Variants in SEMA5A observed in about 807,000 individuals in gnomAD.
SEMA5A encodes the protein semaphorin 5A, also known as semaphorin-5A.
SEMA5A carries 55 observed loss-of-function variants against 135.5 expected under a neutral mutation model. The ratio of observed to expected loss-of-function variants is 0.41; its 90% confidence interval spans 0.33 to 0.51. The LOEUF (loss-of-function observed/expected upper bound fraction) is 0.51. Among genes scored for constraint, SEMA5A ranks in the 20% least tolerant of loss-of-function variants. SEMA5A has a pLI of 0.37. For synonymous variants in SEMA5A, 580 were observed against 546.5 expected (o/e 1.06, Z -0.85); for missense variants, 1,290 against 1,419.9 (o/e 0.91, Z 1.47).
rs548901972 is a variant in SEMA5A at position 9,400,865 on chromosome 5, A to G, written c.-77-20842T>C. 5.3e-5 allele frequency among the ~76,000 whole-genome samples: 8 copies of G among 152,280 alleles called. No individual in the cohort carries two copies. The South Asian group carries it at 1.7e-3, about 32-fold the overall frequency. On this transcript the variant is annotated intron_variant, in intron 2 of 22. Coordinates refer to ENST00000382496, the MANE Select transcript of SEMA5A (RefSeq NM_003966.3). ...TCTACAATTACTTTAAATACGTTAC[A>G]TTATATACAATTATAATTTATTATA...
chr5:9,450,229 A>C (rs1470623068), intron 1 of SEMA5A, among the ~76,000 whole-genome samples: 2 of 152,180 alleles, frequency 1.3e-5, no homozygotes, highest in Non-Finnish European at 2.9e-5. Context: ...AACACAGTCA[A>C]GTGGGGAGAA....
At chr5:9,229,565 G>T (rs1195051946) in intron 6 of SEMA5A, among the ~76,000 whole-genome samples, 1 of 152,162 alleles carries the variant, frequency 6.6e-6, no homozygotes, top group Non-Finnish European at 1.5e-5. Flanking sequence ...GGCTGAGCAA[G>T]CTGATGGACT....
chr5:9,176,869 T>C (rs1011269735), intron 11 of SEMA5A, among the ~76,000 whole-genome samples: 1 of 152,208 alleles, frequency 6.6e-6, no homozygotes, highest in Non-Finnish European at 1.5e-5. Context: ...CTCTCAGGAA[T>C]GTGAGTTAAA....
At chr5:9,391,634 C>T (rs1049731357) in intron 2 of SEMA5A, among the ~76,000 whole-genome samples, 1 of 152,142 alleles carries the variant, frequency 6.6e-6, no homozygotes, top group African/African-American at 2.4e-5. Context: ...AAATGTATAC[C>T]GCACCCCTGT....
chr5:9,235,794 T>C (rs549728644), intron 6 of SEMA5A, among the ~76,000 whole-genome samples: 152 of 152,190 alleles, frequency 1.0e-3, no homozygotes, highest in African/African-American at 3.6e-3. Context: ...AGAAGGAAGA[T>C]AAAGACAAGA....
chr5:9,350,799 C>A (rs1754080362), intron 3 of SEMA5A, among the ~76,000 whole-genome samples: 2 of 152,230 alleles, frequency 1.3e-5, no homozygotes, highest in African/African-American at 2.4e-5. Context: ...TATACACAGT[C>A]TTTCCTAAGC....
At chr5:9,221,503 A>C (rs112980612) in intron 8 of SEMA5A, among the ~76,000 whole-genome samples, 3,697 of 148,708 alleles carry the variant, frequency 0.025, 106 homozygotes, top group African/African-American at 0.069. Flanking sequence ...GGGGTTTCAC[A>C]GTGTTAGCCA....
chr5:9,147,410 T>C (rs908363875), intron 12 of SEMA5A, among the ~76,000 whole-genome samples: 1 of 151,984 alleles, frequency 6.6e-6, no homozygotes, highest in Admixed American at 6.6e-5. Flanking sequence ...TAGCTGGTTT[T>C]ACAGGCTTGT....
chr5:9,398,729 T>C (rs1186301827), intron 2 of SEMA5A, among the ~76,000 whole-genome samples: 4 of 152,230 alleles, frequency 2.6e-5, no homozygotes, highest in Non-Finnish European at 4.4e-5. Context: ...TGAAAAACTT[T>C]GGAAAAAACT....
intron 4 of SEMA5A, among the ~76,000 whole-genome samples, chr5:9,324,730 G>T (rs548981837): frequency 2.0e-5 from 3 of 152,220 alleles, no homozygotes; most frequent in Admixed American, 6.5e-5. Context: ...ACAGAACCCT[G>T]CAAGTGGCTG....
chr5:9,073,760 C>T (rs1043418037), intron 16 of SEMA5A, among the ~76,000 whole-genome samples: 1 of 152,056 alleles, frequency 6.6e-6, no homozygotes, highest in African/African-American at 2.4e-5. Context: ...TTTATTAAGG[C>T]TGCAGAACAC....
intron 12 of SEMA5A, among the ~76,000 whole-genome samples, chr5:9,138,734 T>C (rs1326167209): frequency 6.6e-6 from 1 of 152,218 alleles, no homozygotes. Context: ...ATCCAATTTG[T>C]GGTATTTTAT....
At chr5:9,523,552 A>T (rs1052367141) in intron 1 of SEMA5A, among the ~76,000 whole-genome samples, 1 of 152,230 alleles carries the variant, frequency 6.6e-6, no homozygotes, top group Non-Finnish European at 1.5e-5. Context: ...ATCTATAACG[A>T]GGGACAAAGG....
At chr5:9,267,908 T>A (rs1579751022) in intron 5 of SEMA5A, among the ~76,000 whole-genome samples, 1 of 152,246 alleles carries the variant, frequency 6.6e-6, no homozygotes, top group East Asian at 1.9e-4. Context: ...AAATTTTTCA[T>A]GATAAAAAGC....
intron 15 of SEMA5A, among the ~76,000 whole-genome samples, chr5:9,113,002 A>G (rs999156343): frequency 1.3e-5 from 2 of 152,182 alleles, no homozygotes; most frequent in Admixed American, 6.5e-5. Flanking sequence ...CTGACATCCC[A>G]CAAGGAAATG....
intron 2 of SEMA5A, among the ~76,000 whole-genome samples, chr5:9,425,035 T>G (rs183990486): frequency 1.6e-4 from 25 of 152,284 alleles, no homozygotes; most frequent in African/African-American, 5.8e-4. Flanking sequence ...CCAATGCCCC[T>G]AATAGACATA....
At chr5:9,439,982 T>C (rs1512509) in intron 1 of SEMA5A, among the ~76,000 whole-genome samples, 39,156 of 152,226 alleles carry the variant, frequency 0.26, 7,216 homozygotes, top group African/African-American at 0.53. Flanking sequence ...GAAAAAGATA[T>C]TTTAACAGCC....
chr5:9,409,047 A>G (rs1160233328), intron 2 of SEMA5A, among the ~76,000 whole-genome samples: 1 of 152,214 alleles, frequency 6.6e-6, no homozygotes, highest in Non-Finnish European at 1.5e-5. Flanking sequence ...GAGAAAGGGT[A>G]GTCGTTTACC....
intron 5 of SEMA5A, among the ~76,000 whole-genome samples, chr5:9,305,996 C>T (rs937358378): frequency 6.6e-6 from 1 of 152,104 alleles, no homozygotes; most frequent in Non-Finnish European, 1.5e-5. Flanking sequence ...TTTGTGGTTT[C>T]TCTTGAAAAA....
Sources: gnomAD v4.1 joint callset for allele counts (sites outside exome capture counted in the v4.1 genomes callset) on GRCh38, gnomAD v4.1.1 for gene constraint, MANE v1.5 for transcripts, NCBI Gene and HGNC (gene_info 2026-07-23, HGNC 2026-07-21) for gene names.